CHD7: variants seen among roughly 807,000 people sequenced by gnomAD.
The protein encoded by CHD7 is chromodomain helicase DNA binding protein 7, also known as ATP-dependent chromatin remodeler CHD7.
In CHD7, 24 loss-of-function variants were observed where a neutral mutation model predicts 307.3. The ratio of observed to expected loss-of-function variants is 0.08; its 90% CI spans 0.06 to 0.11. The LOEUF is 0.11. Among genes scored for constraint, CHD7 ranks in the 10% least tolerant of loss-of-function variants. The probability of loss-of-function intolerance (pLI) is 1.00; values close to 1 mark genes in which losing one functional copy is unlikely to be tolerated. For synonymous variants in CHD7, 1,363 were observed against 1,349.9 expected (o/e 1.01, Z -0.21); for missense variants, 3,106 against 3,727.1 (o/e 0.83, Z 4.34).
At chr8:60,687,820 A>G (rs1805988455) in intron 1 of CHD7, among the ~76,000 whole-genome samples, 1 of 152,190 alleles carries the variant, frequency 6.6e-6, no homozygotes, top group Non-Finnish European at 1.5e-5. Flanking sequence ...CCAGGGCCAT[A>G]CATTTCTAGC....
At position 60,749,024 on chromosome 8, in the gene CHD7, A is replaced by G. The variant is rs114736757; in HGVS notation, c.1665+5927A>G. Among the ~76,000 whole-genome samples, 716 of 151,772 alleles carry G rather than the reference A, an allele frequency of 4.7e-3. 2 individuals carry two copies. Among genetic ancestry groups the G allele is most frequent in the African/African-American group, 0.016 (674 of 41,370 alleles). Reference sequence around the variant, plus strand: ...CTTTCAGGGAAAACCTTTTATTGGTAAATCTCAAGTAGCATCAATCTTATA... The same window carrying G: ...CTTTCAGGGAAAACCTTTTATTGGTGAATCTCAAGTAGCATCAATCTTATA... On this transcript the variant is annotated intron_variant, in intron 2 of 37. Coordinates refer to ENST00000423902, the MANE Select transcript of CHD7 (RefSeq NM_017780.4).
intron 1 of CHD7, among the ~76,000 whole-genome samples, chr8:60,704,420 A>G (rs1458200240): frequency 6.6e-6 from 1 of 151,910 alleles, no homozygotes; most frequent in Non-Finnish European, 1.5e-5. Flanking sequence ...CTTAGTTCAG[A>G]AGATGTAGAA....
chr8:60,758,366 C>A (rs547759621), intron 2 of CHD7, among the ~76,000 whole-genome samples: 1 of 152,100 alleles, frequency 6.6e-6, no homozygotes, highest in Non-Finnish European at 1.5e-5. Flanking sequence ...TCAACTGATC[C>A]GCACCCCTTG....
At chr8:60,861,793 C>T (rs1805991512) in intron 35 of CHD7, 1 of 156,660 alleles carries the variant, frequency 6.4e-6, no homozygotes, top group African/African-American at 2.4e-5. Context: ...CCTACAAGAT[C>T]TGTCTGTTTG....
chr8:60,758,866 A>C (rs1185931868), intron 2 of CHD7, among the ~76,000 whole-genome samples: 1 of 152,208 alleles, frequency 6.6e-6, no homozygotes, highest in Non-Finnish European at 1.5e-5. Flanking sequence ...ACAAATATCA[A>C]GTTTTACTGT....
chr8:60,759,739 A>C (rs1810082069), intron 2 of CHD7, among the ~76,000 whole-genome samples: 1 of 152,104 alleles, frequency 6.6e-6, no homozygotes, highest in South Asian at 2.1e-4. Flanking sequence ...GGGATTTAAA[A>C]ATTCTCTTAG....
At chr8:60,703,403 A>C (rs562541946) in intron 1 of CHD7, among the ~76,000 whole-genome samples, 11 of 152,330 alleles carry the variant, frequency 7.2e-5, no homozygotes, top group African/African-American at 2.6e-4. Context: ...GAACATGTTA[A>C]AATTCATCGC....
intron 1 of CHD7, among the ~76,000 whole-genome samples, chr8:60,725,369 TC>T (rs1461903718): frequency 6.6e-6 from 1 of 152,262 alleles, no homozygotes; most frequent in Admixed American, 6.5e-5. Context: ...AGTCCGGAAT[TC>T]TGAGTAGTAT....
At chr8:60,816,266 GCCTT>G (rs1803742828) in intron 7 of CHD7, 117 bp from the exon 8 acceptor site, 1 of 626,676 alleles carries the variant, frequency 1.6e-6, no homozygotes, top group African/African-American at 1.9e-5. Flanking sequence ...TTGCTCAGCA[GCCTT>G]AATGGGTAAT....
intron 15 of CHD7, among the ~76,000 whole-genome samples, chr8:60,833,004 T>A (rs979340909): frequency 6.6e-6 from 1 of 152,160 alleles, no homozygotes; most frequent in African/African-American, 2.4e-5. Flanking sequence ...GTAGATAACA[T>A]ACAAACTAAG....
intron 2 of CHD7, 108 bp downstream of exon 2, chr8:60,743,205 G>A (rs1809147551): frequency 3.2e-6 from 3 of 924,862 alleles, no homozygotes; most frequent in Non-Finnish European, 5.1e-6. Context: ...TTCATTATGA[G>A]TGCCTTAATT....
chr8:60,787,108 A>G (rs1811527053), intron 3 of CHD7, among the ~76,000 whole-genome samples: 1 of 152,090 alleles, frequency 6.6e-6, no homozygotes, highest in African/African-American at 2.4e-5. Context: ...TGTAGCCCTG[A>G]CTTCTGTAGG....
intron 1 of CHD7, among the ~76,000 whole-genome samples, chr8:60,687,037 TCC>T (rs955282790): frequency 2.0e-5 from 3 of 152,222 alleles, no homozygotes; most frequent in African/African-American, 7.2e-5. Flanking sequence ...TGCCTCAGCC[TCC>T]CAAGTAGCTG....
At chr8:60,835,575 A>G (rs981751760) in intron 15 of CHD7, among the ~76,000 whole-genome samples, 1 of 152,224 alleles carries the variant, frequency 6.6e-6, no homozygotes, top group Non-Finnish European at 1.5e-5. Flanking sequence ...TCCTTTGCCT[A>G]TATTAATATG....
chr8:60,863,040 A>T (rs1264774783), intron 37 of CHD7: 3 of 167,262 alleles, frequency 1.8e-5, no homozygotes, highest in Non-Finnish European at 3.8e-5. Flanking sequence ...AAAATACAAC[A>T]GTTCTGCCTA....
At chr8:60,731,269 GTAT>G (rs1010741682) in intron 1 of CHD7, among the ~76,000 whole-genome samples, 5 of 152,200 alleles carry the variant, frequency 3.3e-5, no homozygotes, top group African/African-American at 1.2e-4. Context: ...TAAATCATAA[GTAT>G]TATTTATGGT....
intron 1 of CHD7, among the ~76,000 whole-genome samples, chr8:60,726,863 G>A (rs1424548749): frequency 6.6e-6 from 1 of 152,126 alleles, no homozygotes; most frequent in Non-Finnish European, 1.5e-5. Context: ...ACCTTCCTGT[G>A]TGTCCCAGGG....
chr8:60,746,468 A>G (rs1005302615), intron 2 of CHD7, among the ~76,000 whole-genome samples: 6 of 152,208 alleles, frequency 3.9e-5, no homozygotes, highest in Admixed American at 3.9e-4. Context: ...GTTTTGCTTT[A>G]GAGCTACTAA....
chr8:60,865,281 C>T lies in CHD7; in HGVS notation c.8342C>T (p.Thr2781Ile). The T allele has an allele frequency of 2.5e-6, 4 of 1,608,570 alleles. No homozygotes were observed. The highest frequency in any genetic ancestry group is 3.4e-6 in the Non-Finnish European group (4 of 1,177,642). ...ATGGGCTTCCCTCCAGGACTGGCAA[C>T]AGCTGCCACCGCCGGAGGCGATGCG... ...GLMGFPPGLA[T>I]AATAGGDAKN... is the part of the protein sequence containing the mutation. Residue 2781 changes from threonine to isoleucine, a missense_variant, in exon 38 of 38, where the codon ACA becomes ATA. Thr to Ile is a moderately conservative substitution (Grantham distance 89). Coordinates refer to ENST00000423902, the MANE Select transcript of CHD7 (RefSeq NM_017780.4). The surrounding 1 kb of genome is among the most constrained non-coding windows in gnomAD (Gnocchi z 4.3).
Sources: gnomAD v4.1 joint callset for allele counts (sites outside exome capture counted in the v4.1 genomes callset) on GRCh38, gnomAD v4.1.1 for gene constraint, Gnocchi (gnomAD v3.1) non-coding constraint, MANE v1.5 for transcripts, NCBI Gene and HGNC (gene_info 2026-07-23, HGNC 2026-07-21) for gene names.